Variants in GRK5 observed in about 807,000 individuals in gnomAD.
GRK5 encodes G protein-coupled receptor kinase 5.
Under a neutral mutation model 78.4 loss-of-function variants are expected in GRK5, and 40 were observed. The observed-to-expected ratio is 0.51, with a 90% CI of 0.40 to 0.66. The LOEUF (loss-of-function observed/expected upper bound fraction) is 0.66, where lower values mean the gene tolerates loss of function less well. GRK5 is among the 30% of genes least tolerant of loss of function. The probability of loss-of-function intolerance (pLI) is 0.00; values close to 1 mark genes in which losing one functional copy is unlikely to be tolerated. For synonymous variants in GRK5, 289 were observed against 296.8 expected (o/e 0.97, Z 0.27); for missense variants, 598 against 759.9 (o/e 0.79, Z 2.50).
intron 3 of GRK5, among the ~76,000 whole-genome samples, chr10:119,396,024 G>A (rs1340141116): frequency 2.0e-5 from 3 of 152,220 alleles, no homozygotes; most frequent in African/African-American, 4.8e-5. Context: ...CTGAAAAGCT[G>A]GAAAAGACCA....
At chr10:119,416,140 A>G (rs1852446833) in intron 4 of GRK5, among the ~76,000 whole-genome samples, 1 of 152,176 alleles carries the variant, frequency 6.6e-6, no homozygotes, top group South Asian at 2.1e-4. Context: ...AACTGATTCC[A>G]TCTCCACCCT....
At chr10:119,319,315 C>A (rs2133753067) in intron 1 of GRK5, among the ~76,000 whole-genome samples, 1 of 152,358 alleles carries the variant, frequency 6.6e-6, no homozygotes. Context: ...GCAGCCCGAG[C>A]CATGAATCAG....
Position 119,430,414 on chromosome 10 carries a change from G to T in GRK5, c.573G>T (p.Val191=). 1 of 1,612,958 alleles carries T rather than the reference G, an allele frequency of 6.2e-7. No individual in the cohort carries two copies. Among genetic ancestry groups the T allele is most frequent in the Non-Finnish European group, 8.5e-7 (1 of 1,179,626 alleles). The change falls in exon 7 of 16, where the codon GTG becomes GTT. Residue 191 remains valine (V), a synonymous_variant. Transcript: ENST00000392870. The surrounding 1 kb of genome is among the most constrained non-coding windows in gnomAD (Gnocchi z 4.5). Reference sequence around the variant, plus strand: ...AAAACACTTTCAGGCAGTATCGAGTGCTAGGAAAAGGGGGCTTCGGGGAGG... The same window carrying T: ...AAAACACTTTCAGGCAGTATCGAGTTCTAGGAAAAGGGGGCTTCGGGGAGG... The part of the protein sequence containing the change: ...VTKNTFRQYR[V]LGKGGFGEVC...
At chr10:119,355,644 G>A (rs533549770) in intron 2 of GRK5, among the ~76,000 whole-genome samples, 1 of 152,304 alleles carries the variant, frequency 6.6e-6, no homozygotes, top group African/African-American at 2.4e-5. Flanking sequence ...GCCAAGTGTG[G>A]TGGCATGCAC....
chr10:119,228,881 G>A (rs1048382692), intron 1 of GRK5, among the ~76,000 whole-genome samples: 2 of 152,068 alleles, frequency 1.3e-5, no homozygotes, highest in Admixed American at 1.3e-4. Flanking sequence ...TCTCAGCAAG[G>A]GTTGGCCTTC....
At position 119,396,788 on chromosome 10, in the gene GRK5, A is replaced by T; in HGVS notation, c.339+16A>T. The stretch of plus-strand genomic sequence containing the variant: ...CACCCCAAAGGTAAGGAGTCTTCCA[A>T]ACCCCACAGCAGGTGGCACAGGAGG... On this transcript the variant is annotated intron_variant, in intron 4 of 15. Transcript: ENST00000392870. 6.2e-7 allele frequency: 1 copy of T among 1,602,368 alleles called. No individual in the cohort carries two copies. Among genetic ancestry groups the T allele is most frequent in the South Asian group, 1.1e-5 (1 of 90,824 alleles).
Position 119,285,579 on chromosome 10 carries a change from A to C in GRK5, c.53-40937A>C, listed in dbSNP as rs375016939. Among the ~76,000 whole-genome samples, 331 of 152,332 alleles carry C rather than the reference A, an allele frequency of 2.2e-3. 3 individuals are homozygous for C. Among genetic ancestry groups the C allele is most frequent in the African/African-American group, 7.7e-3 (322 of 41,574 alleles). On this transcript the variant is annotated intron_variant, in intron 1 of 15. Coordinates refer to ENST00000392870, the MANE Select transcript of GRK5 (RefSeq NM_005308.3). ...TTGGCCAAACAAGCCTTGGGGCCAA[A>C]GGCACAGCAGGGAAGATGGTTGCTG...
intron 4 of GRK5, among the ~76,000 whole-genome samples, chr10:119,414,515 TC>T (rs1365570623): frequency 6.6e-6 from 1 of 152,186 alleles, no homozygotes; most frequent in Non-Finnish European, 1.5e-5. Flanking sequence ...CACCACATCC[TC>T]CTGCACACTG....
At chr10:119,322,461 T>C (rs1406278898) in intron 1 of GRK5, among the ~76,000 whole-genome samples, 1 of 152,186 alleles carries the variant, frequency 6.6e-6, no homozygotes, top group East Asian at 1.9e-4. Context: ...AGGTAACGCG[T>C]TGGATGTGTC....
Position 119,431,584 on chromosome 10 carries a change from C to A in GRK5, c.738+57C>A. 1.3e-6 allele frequency: 2 copies of A among 1,580,920 alleles called. No homozygotes were observed. The highest frequency in any genetic ancestry group is 1.8e-5 in the Admixed American group (1 of 56,960). ...CGCCCTTCTGTGGACTGGGGCTTCC[C>A]TCCCTCCGGAAGGGCGTGGTCCTCT... On this transcript the variant is annotated intron_variant, in intron 8 of 15. Transcript: ENST00000392870. The surrounding 1 kb of genome is among the most constrained non-coding windows in gnomAD (Gnocchi z 4.8).
intron 2 of GRK5, among the ~76,000 whole-genome samples, chr10:119,370,229 C>T (rs1210219187): frequency 2.0e-5 from 3 of 152,170 alleles, no homozygotes; most frequent in African/African-American, 4.8e-5. Flanking sequence ...CTTCTTTCCT[C>T]CCCACTGTCC....
intron 1 of GRK5, among the ~76,000 whole-genome samples, chr10:119,279,601 T>A (rs1849726631): frequency 6.6e-6 from 1 of 152,174 alleles, no homozygotes; most frequent in Non-Finnish European, 1.5e-5. Flanking sequence ...GGTGTGTCCT[T>A]CAAAACGTGC....
chr10:119,450,582 T>A (rs920557806), intron 13 of GRK5, among the ~76,000 whole-genome samples: 1 of 152,118 alleles, frequency 6.6e-6, no homozygotes, highest in Non-Finnish European at 1.5e-5. Context: ...AGGAGGCGGC[T>A]CTGAGGGTCA....
chr10:119,382,923 CT>C (rs71016567), intron 3 of GRK5, among the ~76,000 whole-genome samples: 17 of 149,048 alleles, frequency 1.1e-4, no homozygotes, highest in South Asian at 2.1e-4. Context: ...ATATTTCTTT[CT>C]TTTTTTTTTG....
intron 1 of GRK5, among the ~76,000 whole-genome samples, chr10:119,313,897 A>T (rs1589739013): frequency 6.6e-6 from 1 of 151,242 alleles, no homozygotes; most frequent in South Asian, 2.1e-4. Flanking sequence ...TGCTTTGGAA[A>T]CCCCAACTGT....
intron 1 of GRK5, among the ~76,000 whole-genome samples, chr10:119,230,682 A>G (rs1008580017): frequency 1.3e-5 from 2 of 151,860 alleles, no homozygotes; most frequent in Admixed American, 1.3e-4. Context: ...TACAAAAAAT[A>G]AAAAAATTAG....
chr10:119,357,216 G>A (rs764201154), intron 2 of GRK5, among the ~76,000 whole-genome samples: 1 of 152,238 alleles, frequency 6.6e-6, no homozygotes, highest in Admixed American at 6.5e-5. Flanking sequence ...ATAACTGTAA[G>A]TGCAGATGAA....
At chr10:119,309,479 C>T (rs975507957) in intron 1 of GRK5, among the ~76,000 whole-genome samples, 6 of 152,180 alleles carry the variant, frequency 3.9e-5, no homozygotes, top group African/African-American at 1.4e-4. Flanking sequence ...TCCTTTCAAC[C>T]CCCAGGTCCT....
chr10:119,319,424 C>T (rs1368050062), intron 1 of GRK5, among the ~76,000 whole-genome samples: 8 of 152,244 alleles, frequency 5.3e-5, no homozygotes, highest in East Asian at 3.8e-4. Context: ...TTCCCCAGAG[C>T]GGGAGCCCCC....
Sources: allele counts gnomAD v4.1 joint callset (sites outside exome capture counted in the v4.1 genomes callset), GRCh38; gene constraint gnomAD v4.1.1; non-coding constraint Gnocchi (gnomAD v3.1); transcripts MANE v1.5; gene names NCBI Gene and HGNC (gene_info 2026-07-23, HGNC 2026-07-21).